CMTM8: variants seen among roughly 807,000 people sequenced by gnomAD.
CMTM8 encodes CKLF like MARVEL transmembrane domain containing 8.
CMTM8 carries 12 observed loss-of-function variants against 18.6 expected under a neutral mutation model. The observed-to-expected ratio is 0.65, with a 90% CI of 0.41 to 1.05. The LOEUF (loss-of-function observed/expected upper bound fraction) is 1.05. Ranked by LOEUF, CMTM8 falls within the 50% of genes least tolerant of loss-of-function variation. The probability of loss-of-function intolerance (pLI) is 0.00; values close to 1 mark genes in which losing one functional copy is unlikely to be tolerated. For synonymous variants in CMTM8, 87 were observed against 90.6 expected (o/e 0.96, Z 0.23); for missense variants, 217 against 227.2 (o/e 0.95, Z 0.29).
At chr3:32,362,244 T>G (rs965485914) in intron 2 of CMTM8, among the ~76,000 whole-genome samples, 1 of 151,898 alleles carries the variant, frequency 6.6e-6, no homozygotes, top group Non-Finnish European at 1.5e-5. Flanking sequence ...GGTTTCACCG[T>G]GTTAGCCAGG....
rs1428792477 is a variant in CMTM8, at chr3:32,358,757, G to T, written c.321+1211G>T. 6.6e-6 allele frequency among the ~76,000 whole-genome samples: 1 copy of T among 152,190 alleles called. No homozygotes were observed. The highest frequency in any genetic ancestry group is 1.5e-5 in the Non-Finnish European group (1 of 68,036). On this transcript the variant is annotated intron_variant, in intron 2 of 3. Transcript: ENST00000307526. This position sits in a 1 kb window ranked among gnomAD's most constrained non-coding sequence, Gnocchi z 4.1. ...ATTTTCAAGAAAGCGTTGCAAGTTT[G>T]AAAAGTAATTCCAAATAAGGTGCTT... is the stretch of plus-strand genomic sequence containing the variant.
chr3:32,244,373 C>T (rs1559359884), intron 1 of CMTM8, among the ~76,000 whole-genome samples: 4 of 152,100 alleles, frequency 2.6e-5, no homozygotes, highest in South Asian at 2.1e-4. Flanking sequence ...TGTTTAGAAA[C>T]GGGGGTCTCA....
chr3:32,285,536 T>A (rs1197278028), intron 1 of CMTM8, among the ~76,000 whole-genome samples: 2 of 150,986 alleles, frequency 1.3e-5, no homozygotes, highest in Non-Finnish European at 3.0e-5. Context: ...ATTAAATTAA[T>A]AATAATACTA....
chr3:32,253,305 CT>C, intron 1 of CMTM8, among the ~76,000 whole-genome samples: 1 of 148,498 alleles, frequency 6.7e-6, no homozygotes, highest in Non-Finnish European at 1.5e-5. Flanking sequence ...GTCAGACCAG[CT>C]TTTTTTGTAG....
chr3:32,267,299 C>T (rs568541097), intron 1 of CMTM8, among the ~76,000 whole-genome samples: 3 of 152,214 alleles, frequency 2.0e-5, no homozygotes, highest in Admixed American at 6.5e-5. Flanking sequence ...TAATGCCACA[C>T]ATCTACAACT....
intron 3 of CMTM8, among the ~76,000 whole-genome samples, chr3:32,369,381 A>G (rs753442461): frequency 1.7e-4 from 26 of 152,142 alleles, no homozygotes; most frequent in Non-Finnish European, 3.1e-4. Context: ...CTTCGTCAAG[A>G]CTGGGCTCAA....
intron 2 of CMTM8, among the ~76,000 whole-genome samples, chr3:32,362,371 A>G (rs1434471917): frequency 6.6e-6 from 1 of 152,122 alleles, no homozygotes; most frequent in Non-Finnish European, 1.5e-5. Flanking sequence ...AGTACATACT[A>G]TGTGCTAGAT....
At chr3:32,287,313 T>C (rs1209707280) in intron 1 of CMTM8, among the ~76,000 whole-genome samples, 7 of 152,248 alleles carry the variant, frequency 4.6e-5, no homozygotes, top group African/African-American at 1.7e-4. Flanking sequence ...CAATTTTTTG[T>C]CTTCATAAGA....
chr3:32,288,908 G>T (rs1702732345), intron 1 of CMTM8, among the ~76,000 whole-genome samples: 1 of 152,164 alleles, frequency 6.6e-6, no homozygotes, highest in East Asian at 1.9e-4. Flanking sequence ...TTTTCATGGT[G>T]AGGAAACCAT....
Position 32,244,173 on chromosome 3 carries a change from C to T in CMTM8, c.147+5054C>T, listed in dbSNP as rs140579735. On this transcript the variant is annotated intron_variant, in intron 1 of 3. Coordinates refer to ENST00000307526, the MANE Select transcript of CMTM8 (RefSeq NM_178868.5). ...CAGAACCACCTGCACTTGCCCTGCA[C>T]ACCAACCAAGATCTTACCTAAGGAG... Among the ~76,000 whole-genome samples the T allele has an allele frequency of 1.6e-4, 24 of 152,308 alleles. 1 individual carries two copies. Among genetic ancestry groups the T allele is most frequent in the African/African-American group, 5.8e-4 (24 of 41,570 alleles).
At chr3:32,292,551 A>G (rs959911448) in intron 1 of CMTM8, among the ~76,000 whole-genome samples, 3 of 152,222 alleles carry the variant, frequency 2.0e-5, no homozygotes, top group African/African-American at 7.2e-5. Context: ...CCTTCCTGCC[A>G]TTAACCCTAC....
intron 1 of CMTM8, among the ~76,000 whole-genome samples, chr3:32,249,130 A>T (rs1207858545): frequency 8.3e-6 from 1 of 121,182 alleles, no homozygotes; most frequent in Non-Finnish European, 1.6e-5. Context: ...TGGAATCTTT[A>T]TGTTTAATAT....
chr3:32,339,074 TC>T (rs1696443795), intron 1 of CMTM8, among the ~76,000 whole-genome samples: 1 of 152,202 alleles, frequency 6.6e-6, no homozygotes, highest in African/African-American at 2.4e-5. Context: ...TGACACAGCC[TC>T]CCAAGTCACA....
rs551345562 is a variant in CMTM8, at chr3:32,290,475, T to G, written c.147+51356T>G. ...CACAATTTTGTATGAGTATGGATAA[T>G]GTACATGTATATTAAGCTGCTTCTA... On this transcript the variant is annotated intron_variant, in intron 1 of 3. Transcript: ENST00000307526. Among the ~76,000 whole-genome samples the G allele has an allele frequency of 3.9e-5, 6 of 152,312 alleles. No homozygotes were observed. In the South Asian group the frequency reaches 1.2e-3, roughly 32 times the overall value.
chr3:32,240,196 G>A (rs1701929518), intron 1 of CMTM8, among the ~76,000 whole-genome samples: 1 of 152,242 alleles, frequency 6.6e-6, no homozygotes. Flanking sequence ...AGTAAATCTT[G>A]TGTACCTCAA....
chr3:32,241,428 C>T (rs190566688), intron 1 of CMTM8, among the ~76,000 whole-genome samples: 1 of 152,156 alleles, frequency 6.6e-6, no homozygotes, highest in Non-Finnish European at 1.5e-5. Flanking sequence ...GAATTTTGGT[C>T]TTTTCCCAGG....
At chr3:32,366,878 T>C (rs1362246844) in intron 2 of CMTM8, among the ~76,000 whole-genome samples, 2 of 152,158 alleles carry the variant, frequency 1.3e-5, no homozygotes, top group Non-Finnish European at 2.9e-5. Context: ...GATGAAGCCC[T>C]TGTCTTAAAG....
intron 2 of CMTM8, among the ~76,000 whole-genome samples, chr3:32,367,497 G>A (rs913036292): frequency 3.3e-5 from 5 of 152,168 alleles, no homozygotes; most frequent in Non-Finnish European, 4.4e-5. Flanking sequence ...CTACAGCTGC[G>A]GCTGAGGGCC....
chr3:32,282,588 T>C (rs574981721), intron 1 of CMTM8, among the ~76,000 whole-genome samples: 393 of 152,318 alleles, frequency 2.6e-3, no homozygotes, highest in Non-Finnish European at 3.7e-3. Flanking sequence ...TATTGCCTCT[T>C]AGCTGATTTC....
Sources: gnomAD v4.1 joint callset for allele counts (sites outside exome capture counted in the v4.1 genomes callset) on GRCh38, gnomAD v4.1.1 for gene constraint, Gnocchi (gnomAD v3.1) non-coding constraint, MANE v1.5 for transcripts, NCBI Gene and HGNC (gene_info 2026-07-23, HGNC 2026-07-21) for gene names.